TTLL7: variants seen among roughly 807,000 people sequenced by gnomAD.
TTLL7 encodes tubulin tyrosine ligase like 7, also known as tubulin polyglutamylase TTLL7.
A neutral mutation model predicts 120.2 loss-of-function variants in TTLL7; 53 were observed. The ratio of observed to expected loss-of-function variants is 0.44; its 90% CI spans 0.35 to 0.55. The LOEUF (loss-of-function observed/expected upper bound fraction) is 0.55. Among genes scored for constraint, TTLL7 ranks in the 20% least tolerant of loss-of-function variants. The probability of loss-of-function intolerance (pLI) is 0.00; values close to 1 mark genes in which losing one functional copy is unlikely to be tolerated. For synonymous variants in TTLL7, 353 were observed against 351.7 expected (o/e 1.00, Z -0.04); for missense variants, 803 against 1,054.7 (o/e 0.76, Z 3.31).
chr1:83,933,840 A>G, intron 8 of TTLL7, 74 bp from the exon 9 acceptor site: 1 of 1,447,638 alleles, frequency 6.9e-7, no homozygotes, highest in Non-Finnish European at 9.4e-7. Context: ...ACCGGGGCCC[A>G]CAAACTGGCA....
chr1:83,937,742 A>T, intron 8 of TTLL7, 110 bp downstream of exon 8: 1 of 1,312,348 alleles, frequency 7.6e-7, no homozygotes, highest in Non-Finnish European at 1.1e-6. Flanking sequence ...GGTCCTCTCA[A>T]TTATAGGGAA....
chr1:83,951,808 T>C (rs1489550832), intron 3 of TTLL7, 37 bp downstream of exon 3: 7 of 1,576,630 alleles, frequency 4.4e-6, no homozygotes, highest in Non-Finnish European at 6.0e-6. Context: ...TTTCCAGCAA[T>C]TATGAGAATC....
chr1:83,926,634 G>A lies in TTLL7; in HGVS notation c.1142+2502C>T, dbSNP rs561654742. Reference sequence around the variant, plus strand: ...AAGTTAAGTAAACTCAGAGACTAGTGTCAGAGAAGGCCAGTGAGGCTAAAT... The same window carrying A: ...AAGTTAAGTAAACTCAGAGACTAGTATCAGAGAAGGCCAGTGAGGCTAAAT... On this transcript the variant is annotated intron_variant, in intron 10 of 20. Transcript: ENST00000260505. Among the ~76,000 whole-genome samples the A allele has an allele frequency of 1.2e-3, 189 of 152,228 alleles. 1 individual carries two copies. The highest frequency in any genetic ancestry group is 2.4e-3 in the Non-Finnish European group (162 of 68,032).
intron 20 of TTLL7, among the ~76,000 whole-genome samples, chr1:83,871,170 C>A (rs1490465672): frequency 2.0e-5 from 3 of 151,862 alleles, no homozygotes; most frequent in Non-Finnish European, 4.4e-5. Context: ...CATGTGCTAC[C>A]ACGCCCAGCT....
chr1:83,912,029 ATT>A (rs1553133450), intron 14 of TTLL7, among the ~76,000 whole-genome samples: 4 of 152,170 alleles, frequency 2.6e-5, no homozygotes, highest in Non-Finnish European at 5.9e-5. Flanking sequence ...TTAACTGTCC[ATT>A]TTCCAAACTG....
chr1:83,889,801 T>A, intron 19 of TTLL7: 1 of 388,738 alleles, frequency 2.6e-6, no homozygotes, highest in Non-Finnish European at 5.2e-6. Context: ...ATTTGGCAAA[T>A]GACTGAATAA....
In TTLL7 at chr1:83,865,100, C is replaced by G. The variant is rs552890678; in HGVS notation, c.*4862G>C. On this transcript the variant is annotated 3_prime_UTR_variant, in exon 21 of 21. Coordinates refer to ENST00000260505, the MANE Select transcript of TTLL7 (RefSeq NM_024686.6). Reference sequence around the variant, plus strand: ...AAATAACTTCACCATACAGATATCACATGCTGGAGCATGACAATGCAACGC... The same window carrying G: ...AAATAACTTCACCATACAGATATCAGATGCTGGAGCATGACAATGCAACGC... 2 of 152,018 alleles carry G rather than the reference C, an allele frequency of 1.3e-5. No homozygotes were observed. Among genetic ancestry groups the G allele is most frequent in the African/African-American group, 4.8e-5 (2 of 41,504 alleles). The allele number at this position is 152,018 out of a possible 1,614,324, so 9.4% of individuals were successfully genotyped here. A position where few individuals can be genotyped will look rare whatever the true frequency, so the allele number is the denominator to read the frequency against.
intron 18 of TTLL7, among the ~76,000 whole-genome samples, chr1:83,894,214 T>A (rs1571096288): frequency 6.6e-6 from 1 of 152,164 alleles, no homozygotes; most frequent in South Asian, 2.1e-4. Flanking sequence ...AAAGTCATAA[T>A]GCAGAAAGGA....
At chr1:83,894,636 G>C (rs553940862) in intron 18 of TTLL7, among the ~76,000 whole-genome samples, 56 of 152,174 alleles carry the variant, frequency 3.7e-4, no homozygotes, top group African/African-American at 1.3e-3. Flanking sequence ...ATGGAGCCGG[G>C]GAGTTAGGGA....
At chr1:83,961,099 G>A (rs1218826895) in intron 1 of TTLL7, among the ~76,000 whole-genome samples, 2 of 152,134 alleles carry the variant, frequency 1.3e-5, no homozygotes, top group Non-Finnish European at 1.5e-5. Context: ...TTGAGCAACA[G>A]TAACTCCCAC....
rs553879880 is a variant in TTLL7, at chr1:83,895,733, G to C, written c.2209-5252C>G. ...AAGATTACCCAGCTCATTGTATCCA[G>C]ACCTACGCTCTTAACTACATCCAGC... is the stretch of plus-strand genomic sequence containing the variant. On this transcript the variant is annotated intron_variant, in intron 18 of 20. Coordinates refer to ENST00000260505, the MANE Select transcript of TTLL7 (RefSeq NM_024686.6). Among the ~76,000 whole-genome samples the C allele has an allele frequency of 8.5e-5, 13 of 152,168 alleles. No homozygotes were observed. The South Asian group carries it at 2.7e-3, about 32-fold the overall frequency.
At chr1:83,966,320 T>C (rs1040508464) in intron 1 of TTLL7, among the ~76,000 whole-genome samples, 6 of 152,146 alleles carry the variant, frequency 3.9e-5, no homozygotes, top group East Asian at 1.9e-4. Context: ...GCCTCTACAG[T>C]TGCATGAGCC....
chr1:83,951,964 G>A lies in TTLL7; in HGVS notation c.38C>T (p.Pro13Leu). ...TTCTGTATTCAAATCCAGGGGAGAG[G>A]GTCCCTGAATAACTTTAAAAAAATG... ...SLPQEGVIQG[P>L]SPLDLNTELP... The change falls in exon 3 of 21, where the codon CCC becomes CTC. Residue 13 changes from proline (P) to leucine (L), a missense_variant. Physicochemically the swap from Pro to Leu is moderately conservative, Grantham distance 98. Around this residue, in one of 3 missense-constraint regions of TTLL7, gnomAD observed 91 missense variants for 96.6 expected, o/e 0.94. Coordinates refer to ENST00000260505, the MANE Select transcript of TTLL7 (RefSeq NM_024686.6). 1 of 1,605,308 alleles carries A rather than the reference G, an allele frequency of 6.2e-7. No individual in the cohort carries two copies. Among genetic ancestry groups the A allele is most frequent in the South Asian group, 1.1e-5 (1 of 88,482 alleles).
intron 1 of TTLL7, among the ~76,000 whole-genome samples, chr1:83,992,791 C>CTTTTTTTTTTTTTTTTTTTT (rs367737528): frequency 9.8e-6 from 1 of 101,544 alleles, no homozygotes. Context: ...TATTCAAGTT[C>CTTTTTTTTTTTTTTTTTTTT]TTTTTTTTTT....
At chr1:83,896,407 A>T (rs973646107) in intron 18 of TTLL7, among the ~76,000 whole-genome samples, 2 of 152,106 alleles carry the variant, frequency 1.3e-5, no homozygotes, top group African/African-American at 4.8e-5. Flanking sequence ...ATATTTTGCA[A>T]AAGCATACAG....
chr1:83,910,997 G>A (rs950819123), intron 15 of TTLL7, among the ~76,000 whole-genome samples, 168 bp downstream of exon 15: 2 of 152,098 alleles, frequency 1.3e-5, no homozygotes, highest in South Asian at 4.1e-4. Flanking sequence ...TCTTGAAAGG[G>A]CTTAATTAAG....
intron 6 of TTLL7, among the ~76,000 whole-genome samples, chr1:83,945,334 G>A (rs1226049627): frequency 6.6e-6 from 1 of 152,074 alleles, no homozygotes; most frequent in Non-Finnish European, 1.5e-5. Flanking sequence ...ACAGTAACCT[G>A]GAGTGGCAAA....
Position 83,920,315 on chromosome 1 carries a change from G to A in TTLL7, c.1365-481C>T, listed in dbSNP as rs146460597. Among the ~76,000 whole-genome samples, 213 of 152,208 alleles carry A rather than the reference G, an allele frequency of 1.4e-3. 3 individuals carry two copies. In the East Asian group the frequency reaches 0.035, roughly 25 times the overall value. ...GAGAAATACTGAACTTTATAGGAGA[G>A]TGTTCAGGTAATAAGGGATACTGCA... On this transcript the variant is annotated intron_variant, in intron 12 of 20. Transcript: ENST00000260505.
intron 10 of TTLL7, among the ~76,000 whole-genome samples, chr1:83,928,795 T>C (rs1185361846): frequency 6.6e-6 from 1 of 152,104 alleles, no homozygotes; most frequent in East Asian, 1.9e-4. Flanking sequence ...AATTTAATCT[T>C]GTACTCTATA....
Sources: gnomAD v4.1 joint callset for allele counts (sites outside exome capture counted in the v4.1 genomes callset) on GRCh38, gnomAD v4.1.1 for gene constraint, gnomAD v4.1.1 regional missense constraint, MANE v1.5 for transcripts, NCBI Gene and HGNC (gene_info 2026-07-23, HGNC 2026-07-21) for gene names.